The following ADAM2 variants were observed in gnomAD, a reference collection of about 807,000 sequenced individuals.
The protein encoded by ADAM2 is ADAM metallopeptidase domain 2, also known as disintegrin and metalloproteinase domain-containing protein 2.
In ADAM2, 101 loss-of-function variants were observed where a neutral mutation model predicts 99.3. The ratio of observed to expected loss-of-function variants is 1.02; its 90% CI spans 0.87 to 1.20. The LOEUF (loss-of-function observed/expected upper bound fraction) is 1.20, where lower values mean the gene tolerates loss of function less well. Among genes scored for constraint, ADAM2 ranks in the 50% most tolerant of loss-of-function variants. ADAM2 has a pLI of 0.00. For synonymous variants in ADAM2, 323 were observed against 287.6 expected (o/e 1.12, Z -1.25); for missense variants, 948 against 878.7 (o/e 1.08, Z -1.00).
At chr8:39,770,708 T>A (rs749988627) in intron 11 of ADAM2, among the ~76,000 whole-genome samples, 4 of 152,220 alleles carry the variant, frequency 2.6e-5, no homozygotes, top group Non-Finnish European at 5.9e-5. Context: ...CTATCCATAG[T>A]TTGTACTCCT....
rs748134564 is a variant in ADAM2, at chr8:39,767,053, T to C, written c.1312-10A>G. The C allele has an allele frequency of 6.2e-7, 1 of 1,610,988 alleles. No homozygotes were observed. The highest frequency in any genetic ancestry group is 1.1e-5 in the South Asian group (1 of 90,966). On this transcript the variant is annotated splice_polypyrimidine_tract_variant and intron_variant, in intron 13 of 20. Coordinates refer to ENST00000265708, the MANE Select transcript of ADAM2 (RefSeq NM_001464.5). ...TTTCTTTTGACATAAACTGATGGGA[T>C]GAGGTAAATGATATTGAATTAAGCA...
chr8:39,812,603 G>T (rs996643564), intron 6 of ADAM2, among the ~76,000 whole-genome samples: 3 of 152,168 alleles, frequency 2.0e-5, no homozygotes, highest in Admixed American at 1.3e-4. Context: ...ACAGATCAGA[G>T]CCCTCAGAAA....
intron 3 of ADAM2, among the ~76,000 whole-genome samples, chr8:39,833,695 C>T (rs754623546): frequency 6.6e-6 from 1 of 151,900 alleles, no homozygotes. Context: ...AAAATTCATC[C>T]TTTATGAAAC....
chr8:39,835,403 G>A (rs1805779441), intron 2 of ADAM2, among the ~76,000 whole-genome samples: 1 of 142,614 alleles, frequency 7.0e-6, no homozygotes, highest in East Asian at 2.0e-4. Flanking sequence ...AGTAATTTTA[G>A]GCCATGTGCG....
chr8:39,787,149 A>G, intron 9 of ADAM2, 94 bp from the exon 10 acceptor site: 1 of 671,778 alleles, frequency 1.5e-6, no homozygotes, highest in South Asian at 2.5e-5. Context: ...AATCATTAAT[A>G]TTTACATCTA....
At chr8:39,746,822 A>T (rs1168138929) in intron 18 of ADAM2, among the ~76,000 whole-genome samples, 191 bp from the exon 19 acceptor site, 16 of 152,192 alleles carry the variant, frequency 1.1e-4, no homozygotes, top group African/African-American at 3.1e-4. Context: ...TCTTTTTAAA[A>T]TGGATAGCTA....
chr8:39,795,303 G>C (rs1803891631), intron 7 of ADAM2, among the ~76,000 whole-genome samples: 1 of 152,018 alleles, frequency 6.6e-6, no homozygotes, highest in African/African-American at 2.4e-5. Flanking sequence ...ATGGGAAGAG[G>C]GGTGGGGGTC....
Position 39,838,178 on chromosome 8 carries a change from C to T in ADAM2, c.8G>A (p.Arg3His), listed in dbSNP as rs765528383. Reference protein sequence around the residue: MWRVLFLLSGLGG... With the variant: MWHVLFLLSGLGG... ...GAGCCCGCTGAGCAGAAACAAGACG[C>T]GCCACATGGCTTGAAGTCCTGGGTC... is the stretch of plus-strand genomic sequence containing the variant. Residue 3 changes from arginine to histidine, a missense_variant, in exon 1 of 21, where the codon CGC (arginine) becomes CAC (histidine). Physicochemically the swap from Arg to His is conservative, Grantham distance 29. Coordinates refer to ENST00000265708, the MANE Select transcript of ADAM2 (RefSeq NM_001464.5). The T allele has an allele frequency of 1.2e-5, 19 of 1,614,014 alleles. No individual in the cohort carries two copies. Among genetic ancestry groups the T allele is most frequent in the Admixed American group, 3.3e-5 (2 of 60,000 alleles).
At chr8:39,785,471 A>T (rs918033290) in intron 10 of ADAM2, among the ~76,000 whole-genome samples, 2 of 152,180 alleles carry the variant, frequency 1.3e-5, no homozygotes, top group Non-Finnish European at 2.9e-5. Flanking sequence ...TTCTCAAATA[A>T]CTTAAAACAG....
At chr8:39,819,870 T>TG (rs1805106534) in intron 6 of ADAM2, among the ~76,000 whole-genome samples, 1 of 210 alleles carries the variant, frequency 4.8e-3, no homozygotes, top group Admixed American at 0.062. Context: ...ATTGGTTTTC[T>TG]ATTCTCTGGA....
chr8:39,744,413 ACGTTC>A (rs1357352161), intron 20 of ADAM2, among the ~76,000 whole-genome samples: 2 of 152,024 alleles, frequency 1.3e-5, no homozygotes, highest in East Asian at 3.8e-4. Flanking sequence ...TTAATATATT[ACGTTC>A]TTTCTCTCTC....
At chr8:39,827,970 T>A (rs1393323153) in intron 3 of ADAM2, among the ~76,000 whole-genome samples, 5 of 152,046 alleles carry the variant, frequency 3.3e-5, no homozygotes, top group Admixed American at 3.3e-4. Flanking sequence ...TTGCGAACTG[T>A]TTATATATAA....
chr8:39,804,382 C>G (rs74569057), intron 7 of ADAM2, among the ~76,000 whole-genome samples: 2 of 151,334 alleles, frequency 1.3e-5, no homozygotes, highest in Non-Finnish European at 2.9e-5. Flanking sequence ...AATGGAAGAA[C>G]TGAGTACATG....
chr8:39,813,861 TACATATGGAAGAAAGCTGCACGTTGTGC>T (rs1804807106), intron 6 of ADAM2, among the ~76,000 whole-genome samples: 1 of 152,040 alleles, frequency 6.6e-6, no homozygotes, highest in South Asian at 2.1e-4. Context: ...GGCACGTGTA[TACATATGGAAGAAAGCTGCACGTTGTGC>T]ACATGTACCC....
At chr8:39,815,314 A>G (rs1804895548) in intron 6 of ADAM2, among the ~76,000 whole-genome samples, 1 of 152,186 alleles carries the variant, frequency 6.6e-6, no homozygotes, top group South Asian at 2.1e-4. Context: ...GATAATTCAA[A>G]ATATTACACA....
chr8:39,785,394 C>A (rs976559266), intron 10 of ADAM2, among the ~76,000 whole-genome samples: 7 of 152,290 alleles, frequency 4.6e-5, no homozygotes, highest in African/African-American at 1.7e-4. Context: ...ATGAGGAAAA[C>A]AGACTGCTTA....
chr8:39,808,553 G>T (rs879622412), intron 7 of ADAM2, among the ~76,000 whole-genome samples: 4 of 152,008 alleles, frequency 2.6e-5, no homozygotes, highest in Non-Finnish European at 4.4e-5. Context: ...CATCCTTTTT[G>T]CAGAAATGGA....
At chr8:39,831,405 C>T (rs1805611458) in intron 3 of ADAM2, among the ~76,000 whole-genome samples, 1 of 151,964 alleles carries the variant, frequency 6.6e-6, no homozygotes, top group African/African-American at 2.4e-5. Flanking sequence ...AGAGAGGCCT[C>T]CACAACACAA....
chr8:39,780,696 T>C (rs1180019083), intron 10 of ADAM2, among the ~76,000 whole-genome samples: 1 of 152,242 alleles, frequency 6.6e-6, no homozygotes, highest in African/African-American at 2.4e-5. Context: ...GATCATTATA[T>C]AATGCTACTA....
Sources: allele counts gnomAD v4.1 joint callset (sites outside exome capture counted in the v4.1 genomes callset), GRCh38; gene constraint gnomAD v4.1.1; transcripts MANE v1.5; gene names NCBI Gene and HGNC (gene_info 2026-07-23, HGNC 2026-07-21).